The following EYS variants were observed in gnomAD, a reference collection of about 807,000 sequenced individuals.
EYS encodes the protein protein eyes shut homolog.
In EYS, 250 loss-of-function variants were observed where a neutral mutation model predicts 282.1. The observed-to-expected ratio is 0.89, with a 90% CI of 0.80 to 0.98. The LOEUF is 0.98. EYS is among the 50% of genes least tolerant of loss of function. The probability of loss-of-function intolerance (pLI) is 0.00; values close to 1 mark genes in which losing one functional copy is unlikely to be tolerated. For missense variants in EYS, 4,016 were observed against 3,709.0 expected (o/e 1.08, Z -2.15); for synonymous variants, 1,355 against 1,282.9 (o/e 1.06, Z -1.20).
At chr6:65,232,348 A>G (rs1562038744) in intron 12 of EYS, among the ~76,000 whole-genome samples, 1 of 152,106 alleles carries the variant, frequency 6.6e-6, no homozygotes, top group Non-Finnish European at 1.5e-5. Flanking sequence ...CGGAGAACAA[A>G]TATTGCCTAA....
At chr6:65,509,599 T>G (rs1183066464) in intron 2 of EYS, among the ~76,000 whole-genome samples, 1 of 152,204 alleles carries the variant, frequency 6.6e-6, no homozygotes, top group Non-Finnish European at 1.5e-5. Flanking sequence ...GCTTTAAACA[T>G]TCTAGATGAA....
intron 12 of EYS, among the ~76,000 whole-genome samples, chr6:65,079,846 A>T (rs1200528183): frequency 6.6e-6 from 1 of 152,080 alleles, no homozygotes; most frequent in African/African-American, 2.4e-5. Context: ...AGAAATTCTG[A>T]TGATGTAACC....
chr6:64,414,720 A>T (rs1343395460), intron 28 of EYS, among the ~76,000 whole-genome samples: 4 of 152,198 alleles, frequency 2.6e-5, no homozygotes, highest in Non-Finnish European at 5.9e-5. Flanking sequence ...ACATCAGCAT[A>T]TGCCATTTAT....
intron 31 of EYS, among the ~76,000 whole-genome samples, chr6:64,182,318 A>G (rs1582392666): frequency 6.6e-6 from 1 of 152,088 alleles, no homozygotes; most frequent in African/African-American, 2.4e-5. Flanking sequence ...TTTCCTCAAA[A>G]TTATATTGCC....
chr6:64,026,701 A>T (rs146528251), intron 33 of EYS, among the ~76,000 whole-genome samples: 1 of 152,158 alleles, frequency 6.6e-6, no homozygotes, highest in Non-Finnish European at 1.5e-5. Context: ...CTATCCTCCT[A>T]TAGCTCCCCT....
chr6:64,684,140 A>G (rs1770001312), intron 22 of EYS, among the ~76,000 whole-genome samples: 1 of 152,200 alleles, frequency 6.6e-6, no homozygotes. Flanking sequence ...GCAATACAAT[A>G]TCTTGTATTC....
chr6:65,269,789 T>A (rs1582084235), intron 12 of EYS, among the ~76,000 whole-genome samples: 1 of 152,220 alleles, frequency 6.6e-6, no homozygotes, highest in Non-Finnish European at 1.5e-5. Context: ...GGCAAGCTAG[T>A]CTCTGACCTC....
At chr6:65,478,586 A>G (rs547298447) in intron 5 of EYS, among the ~76,000 whole-genome samples, 1 of 152,284 alleles carries the variant, frequency 6.6e-6, no homozygotes, top group African/African-American at 2.4e-5. Flanking sequence ...TTCCTCATTT[A>G]TATTAGTGAA....
intron 27 of EYS, among the ~76,000 whole-genome samples, chr6:64,437,762 C>G (rs954145081): frequency 2.0e-5 from 3 of 147,456 alleles, no homozygotes; most frequent in African/African-American, 7.4e-5. Context: ...TTTTTTGGCT[C>G]TATCTCCCAG....
At chr6:64,700,308 T>C (rs1417794454) in intron 22 of EYS, among the ~76,000 whole-genome samples, 1 of 151,886 alleles carries the variant, frequency 6.6e-6, no homozygotes, top group African/African-American at 2.4e-5. Flanking sequence ...AAAGAATTTA[T>C]CCTAAGAACT....
chr6:65,555,128 A>G (rs1222661782), intron 2 of EYS, among the ~76,000 whole-genome samples: 1 of 152,196 alleles, frequency 6.6e-6, no homozygotes, highest in Admixed American at 6.5e-5. Context: ...TGTGATAGTT[A>G]CAGTCACTAT....
intron 22 of EYS, among the ~76,000 whole-genome samples, chr6:64,691,218 T>C (rs925505243): frequency 3.3e-5 from 5 of 152,140 alleles, no homozygotes; most frequent in Non-Finnish European, 5.9e-5. Context: ...AAATATTAAC[T>C]ATGCAGTCTT....
intron 2 of EYS, among the ~76,000 whole-genome samples, chr6:65,529,982 C>A (rs75621499): frequency 0.04 from 6,013 of 152,184 alleles, 305 homozygotes; most frequent in African/African-American, 0.12. Context: ...GTTATATCAG[C>A]TCAAAATGAT....
intron 29 of EYS, among the ~76,000 whole-genome samples, chr6:64,373,080 T>C (rs2150415075): frequency 6.6e-6 from 1 of 152,364 alleles, no homozygotes; most frequent in East Asian, 1.9e-4. Flanking sequence ...CATTTTAGCT[T>C]GGTTGAGAAC....
chr6:65,285,590 T>C (rs1768340330), intron 12 of EYS, among the ~76,000 whole-genome samples: 1 of 151,986 alleles, frequency 6.6e-6, no homozygotes, highest in Non-Finnish European at 1.5e-5. Context: ...AAAGGTACTT[T>C]CCTTCAGCAG....
intron 41 of EYS, among the ~76,000 whole-genome samples, chr6:63,753,603 A>G (rs1402547626): frequency 5.3e-5 from 8 of 152,056 alleles, no homozygotes; most frequent in Non-Finnish European, 1.2e-4. Context: ...TCTCATGAGA[A>G]CTCACTCATT....
At chr6:64,292,549 T>C (rs1295480827) in intron 30 of EYS, among the ~76,000 whole-genome samples, 1 of 152,072 alleles carries the variant, frequency 6.6e-6, no homozygotes, top group Non-Finnish European at 1.5e-5. Context: ...GAGCAGATCT[T>C]TAAGATTTGA....
intron 12 of EYS, among the ~76,000 whole-genome samples, chr6:65,284,073 T>C (rs1203238237): frequency 6.6e-6 from 1 of 152,130 alleles, no homozygotes; most frequent in Admixed American, 6.6e-5. Flanking sequence ...TCTGGAGCGA[T>C]TGCTTTCTCA....
At chr6:65,098,159 A>G (rs951269292) in intron 12 of EYS, among the ~76,000 whole-genome samples, 2 of 150,846 alleles carry the variant, frequency 1.3e-5, no homozygotes, top group Non-Finnish European at 1.5e-5. Context: ...GAGGCGCAAT[A>G]TAAGAATGCT....
Sources: gnomAD v4.1 joint callset for allele counts (sites outside exome capture counted in the v4.1 genomes callset) on GRCh38, gnomAD v4.1.1 for gene constraint, MANE v1.5 for transcripts, NCBI Gene and HGNC (gene_info 2026-07-23, HGNC 2026-07-21) for gene names.